The following IQUB variants were observed in gnomAD, a reference collection of about 807,000 sequenced individuals.
The protein encoded by IQUB is IQ motif and ubiquitin domain containing, also known as IQ motif and ubiquitin-like domain-containing protein.
A neutral mutation model predicts 86.4 loss-of-function variants in IQUB; 86 were observed. The ratio of observed to expected loss-of-function variants is 1.00; its 90% CI spans 0.84 to 1.19. The LOEUF is 1.19. Among genes scored for constraint, IQUB ranks in the 50% most tolerant of loss-of-function variants. The pLI is 0.00. For synonymous variants in IQUB, 289 were observed against 304.5 expected (o/e 0.95, Z 0.53); for missense variants, 946 against 916.9 (o/e 1.03, Z -0.41).
chr7:123,467,022 A>G (rs1794295172), intron 9 of IQUB, among the ~76,000 whole-genome samples: 2 of 152,062 alleles, frequency 1.3e-5, no homozygotes, highest in African/African-American at 4.8e-5. Context: ...TCACAAGCAC[A>G]ATTCAGAACC....
chr7:123,484,757 A>G (rs1279437609), intron 7 of IQUB, among the ~76,000 whole-genome samples: 1 of 152,066 alleles, frequency 6.6e-6, no homozygotes, highest in Non-Finnish European at 1.5e-5. Context: ...TTTTCGTTAG[A>G]TTGTCAGTAG....
intron 6 of IQUB, 59 bp downstream of exon 6, chr7:123,502,538 G>A (rs1329028951): frequency 3.5e-5 from 51 of 1,466,110 alleles, no homozygotes; most frequent in Non-Finnish European, 4.4e-5. Flanking sequence ...AGACACACTC[G>A]GAACAACTGG....
chr7:123,528,024 G>A lies in IQUB; in HGVS notation c.-5+6468C>T, dbSNP rs1036752074. On this transcript the variant is annotated intron_variant, in intron 1 of 12. Transcript: ENST00000324698. The stretch of plus-strand genomic sequence containing the variant: ...GGGGGATATAATCTCCTGGTCCGCC[G>A]TTTTTTAAGCCTGTCGGAAAAGCGC... 3.3e-5 allele frequency among the ~76,000 whole-genome samples: 5 copies of A among 152,226 alleles called. No individual in the cohort carries two copies. The South Asian group carries it at 6.2e-4, about 19-fold the overall frequency.
At chr7:123,508,361 C>T (rs577626166) in intron 3 of IQUB, among the ~76,000 whole-genome samples, 65 of 152,268 alleles carry the variant, frequency 4.3e-4, no homozygotes, top group Non-Finnish European at 7.8e-4. Flanking sequence ...ATATGTGCTG[C>T]TTTAAGCCAC....
chr7:123,457,427 G>T lies in IQUB; in HGVS notation c.2147C>A (p.Thr716Asn). 1 of 1,612,138 alleles carries T rather than the reference G, an allele frequency of 6.2e-7. No individual in the cohort carries two copies. Among genetic ancestry groups the T allele is most frequent in the Non-Finnish European group, 8.5e-7 (1 of 1,178,974 alleles). The change falls in exon 12 of 13, where the codon ACC (threonine) becomes AAC (asparagine). Residue 716 changes from threonine (T) to asparagine (N), a missense_variant. Thr to Asn is a moderately conservative substitution (Grantham distance 65). Transcript: ENST00000324698. ...EWSPWNCILL[T>N]KDEAAAHLKL... Reference sequence around the variant, plus strand: ...GAGATGAGCAGCTGCTTCATCTTTGGTAAGAAGAATGCAGTTCCAGGGGGA... The same window carrying T: ...GAGATGAGCAGCTGCTTCATCTTTGTTAAGAAGAATGCAGTTCCAGGGGGA...
intron 11 of IQUB, among the ~76,000 whole-genome samples, chr7:123,460,972 G>GT (rs80160200): frequency 0.027 from 3,703 of 136,212 alleles, 48 homozygotes; most frequent in South Asian, 0.068. Context: ...TTTCCCTAAG[G>GT]TTTTTTTTTT....
At chr7:123,523,730 T>G (rs1481532901) in intron 1 of IQUB, among the ~76,000 whole-genome samples, 3 of 152,238 alleles carry the variant, frequency 2.0e-5, no homozygotes, top group Admixed American at 6.5e-5. Context: ...TGTCAATTTT[T>G]ACTTTTGTTG....
Position 123,479,834 on chromosome 7 carries a change from C to T in IQUB, c.1371G>A (p.Met457Ile), listed in dbSNP as rs751214628. The T allele has an allele frequency of 3.7e-6, 6 of 1,612,332 alleles. No individual in the cohort carries two copies. The South Asian group carries it at 5.5e-5, about 15-fold the overall frequency. ...SIGRHRYIAY[M>I]ANQEAAIQAF... ...CTTGTATTGCTGCTTCCTGATTTGC[C>T]ATATAAGCAATGTATCTATGTCTCC... Residue 457 changes from methionine (M) to isoleucine (I), a missense_variant, in exon 8 of 13, where the codon ATG (methionine) becomes ATA (isoleucine). Met to Ile is a conservative substitution (Grantham distance 10, BLOSUM62 1). Transcript: ENST00000324698.
At chr7:123,525,418 G>T (rs28820020) in intron 1 of IQUB, among the ~76,000 whole-genome samples, 1 of 151,812 alleles carries the variant, frequency 6.6e-6, no homozygotes, top group African/African-American at 2.4e-5. Context: ...CTTCTTCCTG[G>T]TTTAGTCTTG....
At chr7:123,519,337 A>T (rs780181932) in intron 1 of IQUB, among the ~76,000 whole-genome samples, 27 of 152,336 alleles carry the variant, frequency 1.8e-4, no homozygotes, top group South Asian at 6.2e-4. Context: ...AAATCAGCAT[A>T]TTGAAGAGAT....
chr7:123,503,130 C>A lies in IQUB; in HGVS notation c.695-14G>T. ...ATTGATCAAGTCCTGAGAGATAACA[C>A]CAAGATTCAATGAAAGCTCAACCAA... On this transcript the variant is annotated splice_polypyrimidine_tract_variant and intron_variant, in intron 4 of 12. Coordinates refer to ENST00000324698, the MANE Select transcript of IQUB (RefSeq NM_178827.5). 1.2e-6 allele frequency: 2 copies of A among 1,609,838 alleles called. No individual in the cohort carries two copies. The highest frequency in any genetic ancestry group is 1.7e-6 in the Non-Finnish European group (2 of 1,178,340).
At chr7:123,516,470 TAAAG>T (rs1304191616) in intron 1 of IQUB, among the ~76,000 whole-genome samples, 1 of 152,042 alleles carries the variant, frequency 6.6e-6, no homozygotes, top group African/African-American at 2.4e-5. Flanking sequence ...CTATACTTAA[TAAAG>T]AAGCCAAATC....
chr7:123,506,482 G>T (rs1584622986), intron 3 of IQUB, among the ~76,000 whole-genome samples: 1 of 152,118 alleles, frequency 6.6e-6, no homozygotes, highest in Non-Finnish European at 1.5e-5. Flanking sequence ...AAGCATGGTT[G>T]GGGAGGCCTC....
rs368413028 is a variant in IQUB, at chr7:123,457,515, G to A, written c.2059C>T (p.Leu687Phe). Reference protein sequence around the residue: ...TENIWASQSVLSACDNLSDLV... With the variant: ...TENIWASQSVFSACDNLSDLV... ...TCACTGAGATTGTCGCAAGCACTGA[G>A]GACTGACTGGGACGCCCAGATGTTC... Residue 687 changes from leucine to phenylalanine, a missense_variant, in exon 12 of 13, where the codon CTC becomes TTC. Coordinates refer to ENST00000324698, the MANE Select transcript of IQUB (RefSeq NM_178827.5). The A allele has an allele frequency of 3.7e-6, 6 of 1,609,856 alleles. No individual in the cohort carries two copies. The highest frequency in any genetic ancestry group is 1.7e-5 in the Admixed American group (1 of 58,982).
intron 10 of IQUB, among the ~76,000 whole-genome samples, chr7:123,461,989 T>TA (rs1794012314): frequency 6.6e-6 from 1 of 151,814 alleles, no homozygotes; most frequent in African/African-American, 2.4e-5. Context: ...CGCATATAAG[T>TA]AAAAACCCAC....
intron 1 of IQUB, among the ~76,000 whole-genome samples, chr7:123,527,137 A>G (rs1419258744): frequency 1.3e-5 from 2 of 152,004 alleles, no homozygotes; most frequent in Non-Finnish European, 2.9e-5. Context: ...TTCTTCACGT[A>G]GTTCTCGAGC....
intron 8 of IQUB, among the ~76,000 whole-genome samples, chr7:123,475,673 C>T (rs1180971895): frequency 6.6e-6 from 1 of 152,050 alleles, no homozygotes; most frequent in Admixed American, 6.5e-5. Context: ...TATGATGGCA[C>T]TAGTGGGAAA....
At position 123,461,511 on chromosome 7, in the gene IQUB, G is replaced by C. The variant is rs1299305320; in HGVS notation, c.1853C>G (p.Thr618Ser). The C allele has an allele frequency of 6.2e-7, 1 of 1,612,258 alleles. No individual in the cohort carries two copies. Among genetic ancestry groups the C allele is most frequent in the Admixed American group, 1.7e-5 (1 of 59,738 alleles). The change falls in exon 11 of 13, where the codon ACC (threonine) becomes AGC (serine). Residue 618 changes from threonine to serine, a missense_variant. Coordinates refer to ENST00000324698, the MANE Select transcript of IQUB (RefSeq NM_178827.5). ...ACGACACCGGTATATGCGGCGTGAG[G>C]TGGATGATACAGAAAATTCTGTAGA... ...LPSTEFSVSS[T>S]SRRIYRCRNC...
chr7:123,454,866 C>T (rs1223924136), intron 12 of IQUB, among the ~76,000 whole-genome samples: 1 of 144,984 alleles, frequency 6.9e-6, no homozygotes, highest in Non-Finnish European at 1.6e-5. Flanking sequence ...GACAGCACTG[C>T]TGCTGTTAAT....
Sources: gnomAD v4.1 joint callset for allele counts (sites outside exome capture counted in the v4.1 genomes callset) on GRCh38, gnomAD v4.1.1 for gene constraint, MANE v1.5 for transcripts, NCBI Gene and HGNC (gene_info 2026-07-23, HGNC 2026-07-21) for gene names.